Variants in WARS2 observed in about 807,000 individuals in gnomAD.
The protein encoded by WARS2 is tryptophanyl tRNA synthetase 2, mitochondrial.
WARS2 carries 28 observed loss-of-function variants against 36.5 expected under a neutral mutation model. That is an observed-to-expected ratio of 0.77 (90% CI 0.57 to 1.05). The LOEUF is 1.05. WARS2 is among the 50% of genes least tolerant of loss of function. The probability of loss-of-function intolerance (pLI) is 0.00; values close to 1 mark genes in which losing one functional copy is unlikely to be tolerated. For missense variants in WARS2, 435 were observed against 456.8 expected, an observed-to-expected ratio of 0.95 and a Z score of 0.44; for synonymous variants, 174 against 178.4, an observed-to-expected ratio of 0.98 and a Z score of 0.20.
chr1:119,127,388 C>T, intron 1 of WARS2: 1 of 428,136 alleles, frequency 2.3e-6, no homozygotes, highest in South Asian at 2.2e-5. Flanking sequence ...AGCGACTGCA[C>T]AAGGTCACAC....
chr1:119,110,460 T>G (rs1654547545), intron 1 of WARS2, among the ~76,000 whole-genome samples: 2 of 152,058 alleles, frequency 1.3e-5, no homozygotes, highest in South Asian at 2.1e-4. Flanking sequence ...TCCACTCTCT[T>G]TTTGCTTGCG....
intron 1 of WARS2, among the ~76,000 whole-genome samples, chr1:119,115,585 T>G (rs890712502): frequency 6.6e-6 from 1 of 152,198 alleles, no homozygotes; most frequent in Non-Finnish European, 1.5e-5. Flanking sequence ...GTTTCAGGGC[T>G]AACCTTAATG....
chr1:119,108,331 G>T (rs189529935), intron 1 of WARS2, among the ~76,000 whole-genome samples: 2 of 151,928 alleles, frequency 1.3e-5, no homozygotes, highest in African/African-American at 4.8e-5. Context: ...TTATATTTTG[G>T]AAGGTTTTAA....
chr1:119,129,574 G>A lies in WARS2; in HGVS notation c.90+10981C>T, dbSNP rs1168357096. The stretch of plus-strand genomic sequence containing the variant: ...AAAACAAAAAAATCAGCCAAATGTG[G>A]TGGTTTGTGCCTGTAGCCCCAGCTA... On this transcript the variant is annotated intron_variant, in intron 1 of 5. Transcript: ENST00000235521. Among the ~76,000 whole-genome samples the A allele has an allele frequency of 2.6e-5, 4 of 152,112 alleles. 1 individual carries two copies. Among genetic ancestry groups the A allele is most frequent in the Admixed American group, 2.6e-4 (4 of 15,262 alleles).
chr1:119,093,429 T>C (rs1653181745), intron 1 of WARS2, among the ~76,000 whole-genome samples: 2 of 144,730 alleles, frequency 1.4e-5, no homozygotes, highest in Admixed American at 1.4e-4. Flanking sequence ...TGTAACTTTA[T>C]TTGTAAATAG....
At chr1:119,093,693 T>A (rs587606926) in intron 1 of WARS2, among the ~76,000 whole-genome samples, 1 of 152,274 alleles carries the variant, frequency 6.6e-6, no homozygotes, top group South Asian at 2.1e-4. Flanking sequence ...AGTGTCAGAC[T>A]GCTAGCCTCC....
intron 1 of WARS2, among the ~76,000 whole-genome samples, chr1:119,089,377 G>T (rs2101397584): frequency 6.6e-6 from 1 of 152,214 alleles, no homozygotes; most frequent in African/African-American, 2.4e-5. Flanking sequence ...CTTATAGTAA[G>T]TTCGAAGAAT....
At chr1:119,080,321 G>A (rs1258863436) in intron 1 of WARS2, among the ~76,000 whole-genome samples, 1 of 152,082 alleles carries the variant, frequency 6.6e-6, no homozygotes, top group African/African-American at 2.4e-5. Context: ...TTCAAACTCA[G>A]AAATTATTCC....
At chr1:119,046,281 TTC>T (rs1477479883) in intron 2 of WARS2, among the ~76,000 whole-genome samples, 3 of 92,758 alleles carry the variant, frequency 3.2e-5, no homozygotes, top group East Asian at 6.4e-4. Flanking sequence ...TCTCCTCCTT[TTC>T]TGTTTTTTTT....
chr1:119,049,580 C>G (rs1340791331), intron 2 of WARS2, among the ~76,000 whole-genome samples: 2 of 152,160 alleles, frequency 1.3e-5, no homozygotes, highest in Non-Finnish European at 2.9e-5. Context: ...TTCAGCCTCT[C>G]TATCTGGATA....
intron 2 of WARS2, among the ~76,000 whole-genome samples, chr1:119,048,234 T>C (rs1372024077): frequency 1.3e-5 from 2 of 152,214 alleles, no homozygotes; most frequent in Admixed American, 6.5e-5. Flanking sequence ...GTCTTTGGAG[T>C]GAGGTTGCCT....
intron 1 of WARS2, chr1:119,085,410 G>C: frequency 6.9e-7 from 1 of 1,441,358 alleles, no homozygotes. Flanking sequence ...GGGTGACGAA[G>C]AGGATGGTTG....
intron 2 of WARS2, among the ~76,000 whole-genome samples, chr1:119,051,465 G>A (rs1275891782): frequency 1.3e-5 from 2 of 152,058 alleles, no homozygotes; most frequent in Non-Finnish European, 2.9e-5. Flanking sequence ...GGTTGATTCC[G>A]TCTTTGCTAC....
intron 1 of WARS2, among the ~76,000 whole-genome samples, chr1:119,094,197 A>G (rs1274937136): frequency 6.6e-6 from 1 of 152,208 alleles, no homozygotes; most frequent in African/African-American, 2.4e-5. Context: ...TTTAAACAGT[A>G]GCTCTGAAAT....
chr1:119,136,052 G>A (rs1268460504), intron 1 of WARS2, among the ~76,000 whole-genome samples: 2 of 152,064 alleles, frequency 1.3e-5, no homozygotes, highest in Non-Finnish European at 2.9e-5. Flanking sequence ...GATTACAGGC[G>A]TCAGCCACCG....
chr1:119,069,673 T>A (rs1405118602), intron 2 of WARS2, among the ~76,000 whole-genome samples: 1 of 152,200 alleles, frequency 6.6e-6, no homozygotes, highest in Non-Finnish European at 1.5e-5. Context: ...CTCTTGGGCT[T>A]CATTTTTTAA....
intron 1 of WARS2, among the ~76,000 whole-genome samples, chr1:119,125,382 T>C (rs1266452741): frequency 6.6e-6 from 1 of 152,216 alleles, no homozygotes; most frequent in Non-Finnish European, 1.5e-5. Flanking sequence ...TTATTCTCCA[T>C]ATCACTATTA....
At chr1:119,104,396 A>G (rs979656682) in intron 1 of WARS2, among the ~76,000 whole-genome samples, 3 of 151,162 alleles carry the variant, frequency 2.0e-5, no homozygotes, top group African/African-American at 7.2e-5. Context: ...ATAAATATAG[A>G]AAAGTCAAAC....
At chr1:119,114,606 A>G (rs587629212) in intron 1 of WARS2, among the ~76,000 whole-genome samples, 13 of 152,178 alleles carry the variant, frequency 8.5e-5, no homozygotes, top group Admixed American at 8.5e-4. Context: ...TTCCTGGTTC[A>G]GGTTAGGAGA....
Sources: allele counts gnomAD v4.1 joint callset (sites outside exome capture counted in the v4.1 genomes callset), GRCh38; gene constraint gnomAD v4.1.1; transcripts MANE v1.5; gene names NCBI Gene and HGNC (gene_info 2026-07-23, HGNC 2026-07-21).